DSCAM: variants seen among roughly 807,000 people sequenced by gnomAD.
The protein encoded by DSCAM is DS cell adhesion molecule.
In DSCAM, 47 loss-of-function variants were observed where a neutral mutation model predicts 217.7. The ratio of observed to expected loss-of-function variants is 0.22; its 90% CI spans 0.17 to 0.28. The LOEUF is 0.28. Ranked by LOEUF, DSCAM falls within the 10% of genes least tolerant of loss-of-function variation. The probability of loss-of-function intolerance (pLI) is 1.00; values close to 1 mark genes in which losing one functional copy is unlikely to be tolerated. For synonymous variants in DSCAM, 1,056 were observed against 1,015.3 expected (o/e 1.04, Z -0.76); for missense variants, 2,080 against 2,618.3 (o/e 0.79, Z 4.49).
At chr21:40,171,252 A>G (rs983925309) in intron 15 of DSCAM, among the ~76,000 whole-genome samples, 1 of 151,798 alleles carries the variant, frequency 6.6e-6, no homozygotes, top group Non-Finnish European at 1.5e-5. Context: ...TGACTTTTGC[A>G]TTTTTAGTAG....
At chr21:40,213,242 A>C (rs2091202985) in intron 11 of DSCAM, among the ~76,000 whole-genome samples, 1 of 152,200 alleles carries the variant, frequency 6.6e-6, no homozygotes, top group African/African-American at 2.4e-5. Flanking sequence ...TTTGGGTATC[A>C]AGGCTTCTAG....
chr21:40,156,283 AAGACAGAGAGAGAGAGAGAGAGAGAGAG>A (rs2090475795), intron 16 of DSCAM, among the ~76,000 whole-genome samples: 1 of 86,168 alleles, frequency 1.2e-5, no homozygotes, highest in African/African-American at 3.9e-5. Context: ...CAGTCAAACT[AAGACAGAGAGAGAGAGAGAGAGAGAGAG>A]AGAGAGAGAG....
intron 11 of DSCAM, among the ~76,000 whole-genome samples, chr21:40,273,929 T>C (rs150926141): frequency 2.0e-3 from 301 of 152,254 alleles, no homozygotes; most frequent in African/African-American, 7.2e-3. Flanking sequence ...TCTAGTATCA[T>C]CACACTGGCG....
At position 40,846,650 on chromosome 21, in the gene DSCAM, C is replaced by A. The variant is rs1313400896; in HGVS notation, c.12G>T (p.Leu4=). The change falls in exon 1 of 33, where the codon CTG becomes CTT. Residue 4 remains leucine (L), a synonymous_variant. Transcript: ENST00000400454. MWI[L]ALSLFQSFAN... Reference sequence around the variant, plus strand: ...CGAAGCTCTGGAACAAGGAGAGAGCCAGTATCCACATGCCCCTGCCGCTCC... The same window carrying A: ...CGAAGCTCTGGAACAAGGAGAGAGCAAGTATCCACATGCCCCTGCCGCTCC... 20 of 1,309,488 alleles carry A rather than the reference C, an allele frequency of 1.5e-5. No homozygotes were observed. The highest frequency in any genetic ancestry group is 1.9e-5 in the Non-Finnish European group (19 of 1,023,768). 81.1% of individuals were successfully genotyped at this position (1,309,488 alleles called of 1,614,324 possible).
chr21:40,676,707 A>G (rs895834824), intron 3 of DSCAM, among the ~76,000 whole-genome samples: 10 of 152,252 alleles, frequency 6.6e-5, no homozygotes, highest in African/African-American at 2.4e-4. Flanking sequence ...GACCTTGAAT[A>G]AATCCTTGTG....
rs1052420958 is a variant in DSCAM at position 40,016,896 on chromosome 21, A to C, written c.5687-3510T>G. Among the ~76,000 whole-genome samples, 8 of 152,180 alleles carry C rather than the reference A, an allele frequency of 5.3e-5. No individual in the cohort carries two copies. Among genetic ancestry groups the C allele is most frequent in the African/African-American group, 1.9e-4 (8 of 41,458 alleles). On this transcript the variant is annotated intron_variant, in intron 32 of 32. Transcript: ENST00000400454. The surrounding 1 kb of genome is among the most constrained non-coding windows in gnomAD (Gnocchi z 4.3). ...CTTTGGGAGGCCTAGGCAATGGATC[A>C]CCTGAGGTCAGGTGTTCGAGACCAG...
chr21:40,103,956 C>T (rs1377291096), intron 20 of DSCAM, among the ~76,000 whole-genome samples: 3 of 151,776 alleles, frequency 2.0e-5, no homozygotes, highest in Non-Finnish European at 4.4e-5. Flanking sequence ...AAAGTTATTG[C>T]TATAATGTTT....
chr21:40,732,883 T>C (rs1273499232), intron 1 of DSCAM, among the ~76,000 whole-genome samples: 1 of 152,230 alleles, frequency 6.6e-6, no homozygotes, highest in Non-Finnish European at 1.5e-5. Flanking sequence ...TTTTCTACTA[T>C]TTCAGAGTCT....
intron 3 of DSCAM, among the ~76,000 whole-genome samples, chr21:40,599,533 CATCACAATT>C (rs138826448): frequency 5.2e-4 from 79 of 152,250 alleles, no homozygotes; most frequent in African/African-American, 1.9e-3. Flanking sequence ...GACACCCTAA[CATCACAATT>C]AAAAGAGCTA....
chr21:40,183,236 G>A (rs545921895), intron 14 of DSCAM, among the ~76,000 whole-genome samples: 51 of 152,326 alleles, frequency 3.3e-4, no homozygotes, highest in Non-Finnish European at 5.6e-4. Flanking sequence ...AACTGCAGAC[G>A]AATCTGCTGG....
intron 3 of DSCAM, among the ~76,000 whole-genome samples, chr21:40,418,828 T>C (rs1339679130): frequency 6.6e-6 from 1 of 151,988 alleles, no homozygotes; most frequent in Non-Finnish European, 1.5e-5. Context: ...AAATACAAAC[T>C]ATAAATGTTT....
intron 18 of DSCAM, among the ~76,000 whole-genome samples, chr21:40,139,366 T>C (rs913225083): frequency 6.6e-6 from 1 of 151,906 alleles, no homozygotes; most frequent in South Asian, 2.1e-4. Flanking sequence ...GTAAGAAGTA[T>C]ATTGGTTCGG....
intron 1 of DSCAM, among the ~76,000 whole-genome samples, chr21:40,800,969 T>A (rs902754092): frequency 6.6e-5 from 10 of 151,158 alleles, no homozygotes; most frequent in African/African-American, 2.2e-4. Context: ...CTCCTTTTTT[T>A]TTTTTAGATG....
intron 18 of DSCAM, among the ~76,000 whole-genome samples, chr21:40,134,999 A>G (rs2090192389): frequency 6.6e-6 from 1 of 152,186 alleles, no homozygotes; most frequent in Non-Finnish European, 1.5e-5. Context: ...CAGATGGAAC[A>G]CTATGCGCTC....
chr21:40,260,335 C>T (rs2073433251), intron 11 of DSCAM, among the ~76,000 whole-genome samples: 1 of 152,268 alleles, frequency 6.6e-6, no homozygotes, highest in Middle Eastern at 3.4e-3. Context: ...GGTGGGAAAA[C>T]AGTATATTCA....
intron 3 of DSCAM, among the ~76,000 whole-genome samples, chr21:40,641,908 C>T (rs533871463): frequency 1.3e-5 from 2 of 152,112 alleles, no homozygotes; most frequent in South Asian, 4.1e-4. Context: ...ATTAGCTGGG[C>T]ATGGTGGCCA....
intron 3 of DSCAM, among the ~76,000 whole-genome samples, chr21:40,656,522 G>GAAA (rs35455991): frequency 7.2e-6 from 1 of 138,050 alleles, no homozygotes; most frequent in Admixed American, 7.2e-5. Context: ...TGCTTCAATA[G>GAAA]AAAAAAAAAA....
At chr21:40,359,792 G>A (rs1367288157) in intron 4 of DSCAM, among the ~76,000 whole-genome samples, 1 of 152,144 alleles carries the variant, frequency 6.6e-6, no homozygotes, top group Non-Finnish European at 1.5e-5. Flanking sequence ...GACTGGGGAT[G>A]GACATTGAAA....
intron 8 of DSCAM, among the ~76,000 whole-genome samples, chr21:40,318,334 AT>A (rs1423869744): frequency 4.1e-5 from 4 of 97,056 alleles, no homozygotes; most frequent in Non-Finnish European, 6.1e-5. Context: ...TTAAAGTATA[AT>A]TAAAAAAAAA....
Sources: gnomAD v4.1 joint callset for allele counts (sites outside exome capture counted in the v4.1 genomes callset) on GRCh38, gnomAD v4.1.1 for gene constraint, Gnocchi (gnomAD v3.1) non-coding constraint, MANE v1.5 for transcripts, NCBI Gene and HGNC (gene_info 2026-07-23, HGNC 2026-07-21) for gene names.